The following RAPGEF1 variants were observed in gnomAD, a reference collection of about 807,000 sequenced individuals.
RAPGEF1 encodes CRK SH3-binding GNRP.
RAPGEF1 carries 33 observed loss-of-function variants against 143.3 expected under a neutral mutation model. The observed-to-expected ratio is 0.23, with a 90% CI of 0.17 to 0.31. The LOEUF (loss-of-function observed/expected upper bound fraction) is 0.31, where lower values mean the gene tolerates loss of function less well. Among genes scored for constraint, RAPGEF1 ranks in the 10% least tolerant of loss-of-function variants. The probability of loss-of-function intolerance (pLI) is 1.00; values close to 1 mark genes in which losing one functional copy is unlikely to be tolerated. For missense variants in RAPGEF1, 1,199 were observed against 1,645.4 expected (o/e 0.73, Z 4.69); for synonymous variants, 629 against 676.5 (o/e 0.93, Z 1.09).
intron 15 of RAPGEF1, among the ~76,000 whole-genome samples, chr9:131,601,104 G>A (rs1956194337): frequency 2.0e-5 from 3 of 150,396 alleles, no homozygotes; most frequent in African/African-American, 2.5e-5. Context: ...CCCGGGAGGC[G>A]GAAGTTGCAG....
At position 131,718,620 on chromosome 9, in the gene RAPGEF1, C is replaced by G. The variant is rs1019500542; in HGVS notation, c.61+21150G>C. On this transcript the variant is annotated intron_variant, in intron 1 of 26. Coordinates refer to ENST00000683357, the MANE Select transcript of RAPGEF1 (RefSeq NM_001377935.1). ...CGCTGGGAGAGAGGAGGCAAGGACA[C>G]CCTCATTGTTTTCTCATCCAAACCA... Among the ~76,000 whole-genome samples the G allele has an allele frequency of 3.3e-5, 5 of 152,130 alleles. No individual in the cohort carries two copies. In the East Asian group the frequency reaches 9.6e-4, roughly 29 times the overall value.
intron 10 of RAPGEF1, among the ~76,000 whole-genome samples, chr9:131,625,293 G>A (rs938258530): frequency 3.3e-5 from 5 of 152,174 alleles, no homozygotes; most frequent in South Asian, 2.1e-4. Flanking sequence ...GGAGAAAACC[G>A]AATTTCCAGG....
At chr9:131,733,077 C>A (rs967392382) in intron 1 of RAPGEF1, among the ~76,000 whole-genome samples, 7 of 152,044 alleles carry the variant, frequency 4.6e-5, no homozygotes, top group African/African-American at 1.7e-4. Context: ...GTGAGAGCAT[C>A]GAGGAAGTGG....
chr9:131,678,938 T>C (rs1438729369), intron 1 of RAPGEF1, among the ~76,000 whole-genome samples: 4 of 152,168 alleles, frequency 2.6e-5, no homozygotes, highest in African/African-American at 9.7e-5. Flanking sequence ...CTGCTTTTTA[T>C]GAGTGAAACT....
At chr9:131,735,503 G>A (rs995335856) in intron 1 of RAPGEF1, among the ~76,000 whole-genome samples, 5 of 152,212 alleles carry the variant, frequency 3.3e-5, no homozygotes, top group African/African-American at 9.7e-5. Context: ...CACGACATCT[G>A]CTGAGTTCAC....
chr9:131,633,932 T>A (rs1451345625), intron 5 of RAPGEF1, among the ~76,000 whole-genome samples: 1 of 152,242 alleles, frequency 6.6e-6, no homozygotes, highest in Non-Finnish European at 1.5e-5. Flanking sequence ...GAGAGGGATG[T>A]CAGACTTTTT....
chr9:131,670,498 C>G (rs1477012580), intron 1 of RAPGEF1, among the ~76,000 whole-genome samples: 1 of 152,142 alleles, frequency 6.6e-6, no homozygotes, highest in Non-Finnish European at 1.5e-5. Context: ...GAGTAAGTCA[C>G]TGTAAGAGGA....
intron 1 of RAPGEF1, among the ~76,000 whole-genome samples, chr9:131,739,364 T>A (rs1234773504): frequency 6.6e-6 from 1 of 152,170 alleles, no homozygotes. Context: ...ATGACACATT[T>A]TACAGCTCAG....
intron 1 of RAPGEF1, among the ~76,000 whole-genome samples, chr9:131,651,988 C>T (rs771814286): frequency 3.3e-5 from 5 of 152,134 alleles, no homozygotes; most frequent in Non-Finnish European, 7.4e-5. Flanking sequence ...TAGAAAAGTA[C>T]GGTAAATGGT....
rs773595852 is a variant in RAPGEF1 at position 131,638,713 on chromosome 9, C to T, written c.573G>A (p.Leu191=). The stretch of plus-strand genomic sequence containing the variant: ...CCTTGTCTTCTGAGTTCACGCCTTC[C>T]AGCATCACTTGGTCAGACCAGCGAA... The part of the protein sequence containing the change: ...NLIRWSDQVM[L]EGVNSEDKEM... Residue 191 remains leucine (L), a synonymous_variant, in exon 5 of 27, where the codon CTG becomes CTA. Coordinates refer to ENST00000683357, the MANE Select transcript of RAPGEF1 (RefSeq NM_001377935.1). 3.7e-6 allele frequency: 6 copies of T among 1,613,914 alleles called. No homozygotes were observed. The highest frequency in any genetic ancestry group is 4.2e-6 in the Non-Finnish European group (5 of 1,179,906).
chr9:131,663,370 A>G (rs758085275), intron 1 of RAPGEF1, among the ~76,000 whole-genome samples: 1 of 152,176 alleles, frequency 6.6e-6, no homozygotes, highest in Non-Finnish European at 1.5e-5. Context: ...TAAATAACAT[A>G]ATAACATTAT....
intron 1 of RAPGEF1, among the ~76,000 whole-genome samples, chr9:131,698,140 C>A (rs1834332122): frequency 6.6e-6 from 1 of 152,192 alleles, no homozygotes; most frequent in Non-Finnish European, 1.5e-5. Context: ...TGTCCAATCC[C>A]CGCACAGTAA....
At chr9:131,602,738 C>T (rs1178028548) in intron 14 of RAPGEF1, among the ~76,000 whole-genome samples, 1 of 152,262 alleles carries the variant, frequency 6.6e-6, no homozygotes, top group Non-Finnish European at 1.5e-5. Context: ...CCCAAAGGGC[C>T]AGCTCTCAGG....
chr9:131,710,657 GGT>G (rs963015198), intron 1 of RAPGEF1, among the ~76,000 whole-genome samples: 36 of 152,294 alleles, frequency 2.4e-4, no homozygotes, highest in African/African-American at 8.7e-4. Flanking sequence ...GGGAGGCTGA[GGT>G]GTGTGGATCA....
intron 12 of RAPGEF1, among the ~76,000 whole-genome samples, chr9:131,610,777 A>G (rs1204658078): frequency 6.6e-6 from 1 of 152,160 alleles, no homozygotes; most frequent in East Asian, 1.9e-4. Flanking sequence ...TAATTTATCT[A>G]TTCTGGAAGG....
intron 1 of RAPGEF1, among the ~76,000 whole-genome samples, chr9:131,661,012 G>A (rs1334550839): frequency 1.3e-5 from 2 of 152,354 alleles, no homozygotes; most frequent in Admixed American, 1.3e-4. Flanking sequence ...CCACAAACAT[G>A]CCTGAATAGA....
chr9:131,723,667 C>T (rs1219917846), intron 1 of RAPGEF1, among the ~76,000 whole-genome samples: 1 of 152,186 alleles, frequency 6.6e-6, no homozygotes, highest in Admixed American at 6.5e-5. Flanking sequence ...TTTCTTTATC[C>T]ATTCACCCAT....
chr9:131,688,283 G>A (rs1490207860), intron 1 of RAPGEF1, among the ~76,000 whole-genome samples: 4 of 152,166 alleles, frequency 2.6e-5, no homozygotes, highest in African/African-American at 4.8e-5. Context: ...CAATTATTCC[G>A]AGTCTGTGAA....
chr9:131,585,126 T>C (rs1332735881), intron 22 of RAPGEF1, among the ~76,000 whole-genome samples: 1 of 152,186 alleles, frequency 6.6e-6, no homozygotes, highest in Non-Finnish European at 1.5e-5. Flanking sequence ...CTGGCCTCAA[T>C]TTCCTGTGGT....
Sources: gnomAD v4.1 joint callset for allele counts (sites outside exome capture counted in the v4.1 genomes callset) on GRCh38, gnomAD v4.1.1 for gene constraint, MANE v1.5 for transcripts, NCBI Gene and HGNC (gene_info 2026-07-23, HGNC 2026-07-21) for gene names.